EIF2B3: variants seen among roughly 807,000 people sequenced by gnomAD.
The protein encoded by EIF2B3 is translation initiation factor eIF2B subunit gamma.
In EIF2B3, 20 loss-of-function variants were observed where a neutral mutation model predicts 54.1. That is an observed-to-expected ratio of 0.37 (90% CI 0.26 to 0.54). The LOEUF (loss-of-function observed/expected upper bound fraction) is 0.54. Among genes scored for constraint, EIF2B3 ranks in the 20% least tolerant of loss-of-function variants. The pLI is 0.86. For synonymous variants in EIF2B3, 153 were observed against 188.1 expected (o/e 0.81, Z 1.52); for missense variants, 448 against 547.8 (o/e 0.82, Z 1.82).
chr1:44,984,511 G>C (rs973793953), intron 1 of EIF2B3, among the ~76,000 whole-genome samples: 4 of 151,944 alleles, frequency 2.6e-5, no homozygotes, highest in Non-Finnish European at 5.9e-5. Context: ...TCATGATTCT[G>C]ACACTCATAG....
chr1:44,979,316 T>C (rs1449407597), intron 2 of EIF2B3, among the ~76,000 whole-genome samples: 1 of 151,004 alleles, frequency 6.6e-6, no homozygotes, highest in Non-Finnish European at 1.5e-5. Context: ...ATATATTATA[T>C]GCCACTTCTC....
intron 5 of EIF2B3, among the ~76,000 whole-genome samples, chr1:44,912,262 T>C (rs183096567): frequency 2.4e-4 from 37 of 152,302 alleles, no homozygotes; most frequent in South Asian, 1.5e-3. Context: ...ACATAATAAT[T>C]GCTAATCACA....
intron 3 of EIF2B3, among the ~76,000 whole-genome samples, chr1:44,951,788 C>A (rs1233771127): frequency 7.7e-6 from 1 of 129,432 alleles, no homozygotes; most frequent in African/African-American, 3.2e-5. Flanking sequence ...CTTCTCCCTT[C>A]CTCTTTTTTT....
chr1:44,874,900 C>T (rs767253511), intron 9 of EIF2B3, 74 bp from the exon 10 acceptor site: 3 of 1,574,176 alleles, frequency 1.9e-6, no homozygotes, highest in Non-Finnish European at 2.6e-6. Context: ...ATCCCTCAAG[C>T]TGGGATCTAA....
At chr1:44,922,815 C>CT (rs1643775976) in intron 5 of EIF2B3, among the ~76,000 whole-genome samples, 1 of 98,572 alleles carries the variant, frequency 1.0e-5, no homozygotes. Context: ...AATAGAATTA[C>CT]TTTCTTGATT....
intron 3 of EIF2B3, among the ~76,000 whole-genome samples, chr1:44,962,632 C>T (rs1644297354): frequency 6.6e-6 from 1 of 152,138 alleles, no homozygotes; most frequent in South Asian, 2.1e-4. Context: ...CCAGGTTGGC[C>T]TCAAACTCCT....
intron 6 of EIF2B3, among the ~76,000 whole-genome samples, chr1:44,893,928 A>G (rs1316366124): frequency 6.6e-6 from 1 of 152,172 alleles, no homozygotes; most frequent in Non-Finnish European, 1.5e-5. Flanking sequence ...TGCCTGGTAT[A>G]TATTGCCCAT....
chr1:44,947,977 G>A (rs1644121167), intron 3 of EIF2B3, among the ~76,000 whole-genome samples: 1 of 152,110 alleles, frequency 6.6e-6, no homozygotes, highest in South Asian at 2.1e-4. Context: ...AAAATGCTGG[G>A]ATTACATGCA....
intron 4 of EIF2B3, among the ~76,000 whole-genome samples, chr1:44,935,972 G>A (rs1643942832): frequency 6.6e-6 from 1 of 150,708 alleles, no homozygotes; most frequent in South Asian, 2.1e-4. Context: ...TATAGCCTTG[G>A]TGCCTAGTTC....
At chr1:44,906,062 C>T (rs1643405516) in intron 5 of EIF2B3, among the ~76,000 whole-genome samples, 1 of 152,216 alleles carries the variant, frequency 6.6e-6, no homozygotes, top group Non-Finnish European at 1.5e-5. Flanking sequence ...AAGAGTGTTA[C>T]ATCTTTCAAG....
chr1:44,850,759 C>T lies in EIF2B3; in HGVS notation c.*192G>A. On this transcript the variant is annotated 3_prime_UTR_variant, in exon 12 of 12. Transcript: ENST00000360403. ...CACACTTGCTCCAGATGATCTTTACCACATGACACATGAACATACACTGTG... is the reference window on the plus strand; with the variant it reads ...CACACTTGCTCCAGATGATCTTTACTACATGACACATGAACATACACTGTG... 1 of 627,016 alleles carries T rather than the reference C, an allele frequency of 1.6e-6. No individual in the cohort carries two copies. The highest frequency in any genetic ancestry group is 2.8e-5 in the East Asian group (1 of 36,208). The allele number at this position is 627,016 out of a possible 1,614,324, so 38.8% of individuals were successfully genotyped here.
At chr1:44,962,083 T>C (rs1644290341) in intron 3 of EIF2B3, among the ~76,000 whole-genome samples, 1 of 151,988 alleles carries the variant, frequency 6.6e-6, no homozygotes, top group Non-Finnish European at 1.5e-5. Flanking sequence ...TCGCAGCTAC[T>C]CAGGAGGCTG....
At chr1:44,877,828 G>A (rs747304466) in intron 8 of EIF2B3, among the ~76,000 whole-genome samples, 3 of 152,254 alleles carry the variant, frequency 2.0e-5, no homozygotes, top group Middle Eastern at 3.4e-3. Context: ...ACTAGCTGAC[G>A]GAGGCCTTGT....
At chr1:44,892,580 T>C (rs895996529) in intron 6 of EIF2B3, among the ~76,000 whole-genome samples, 4 of 151,652 alleles carry the variant, frequency 2.6e-5, no homozygotes, top group African/African-American at 9.7e-5. Flanking sequence ...CAAGATCCTG[T>C]CTCTTAAAAA....
intron 3 of EIF2B3, chr1:44,959,117 T>C (rs1644257724): frequency 3.9e-6 from 3 of 762,038 alleles, no homozygotes; most frequent in Non-Finnish European, 6.9e-6. Flanking sequence ...AACATCCCTA[T>C]TGCTAACCGT....
intron 3 of EIF2B3, among the ~76,000 whole-genome samples, chr1:44,964,757 C>T (rs952443672): frequency 5.9e-5 from 9 of 152,126 alleles, no homozygotes; most frequent in African/African-American, 2.2e-4. Context: ...GCCAAAGATT[C>T]CTGTCTAGAT....
rs771010080 is a variant in EIF2B3 at position 44,941,618 on chromosome 1, T to C, written c.342A>G (p.Leu114=). ...LSCDLITDVA[L]HEVVDLFRAY... Reference sequence around the variant, plus strand: ...CTCTAAACAGGTCCACAACCTCATGTAAGGCAACGTCTGTTATCAGATCAC... The same window carrying C: ...CTCTAAACAGGTCCACAACCTCATGCAAGGCAACGTCTGTTATCAGATCAC... Residue 114 remains leucine, a synonymous_variant, in exon 4 of 12, where the codon TTA becomes TTG. Transcript: ENST00000360403. The C allele has an allele frequency of 6.2e-7, 1 of 1,614,142 alleles. No homozygotes were observed. Among genetic ancestry groups the C allele is most frequent in the South Asian group, 1.1e-5 (1 of 91,086 alleles).
intron 5 of EIF2B3, 97 bp downstream of exon 5, chr1:44,926,531 A>C: frequency 1.1e-6 from 1 of 924,658 alleles, no homozygotes; most frequent in Non-Finnish European, 1.8e-6. Context: ...TTCACACAGT[A>C]TAGTCTAGTT....
chr1:44,982,913 C>A (rs891971983), intron 1 of EIF2B3, among the ~76,000 whole-genome samples: 19 of 152,290 alleles, frequency 1.2e-4, no homozygotes, highest in Non-Finnish European at 1.9e-4. Flanking sequence ...TAGGCATGCA[C>A]CACCACGCCC....
Sources: gnomAD v4.1 joint callset for allele counts (sites outside exome capture counted in the v4.1 genomes callset) on GRCh38, gnomAD v4.1.1 for gene constraint, MANE v1.5 for transcripts, NCBI Gene and HGNC (gene_info 2026-07-23, HGNC 2026-07-21) for gene names.